Variants in FER observed in about 807,000 individuals in gnomAD.
FER encodes tyrosine-protein kinase Fer.
FER carries 63 observed loss-of-function variants against 111.0 expected under a neutral mutation model. The ratio of observed to expected loss-of-function variants is 0.57; its 90% CI spans 0.46 to 0.70. FER has a LOEUF of 0.70. Ranked by LOEUF, FER falls within the 30% of genes least tolerant of loss-of-function variation. FER has a pLI of 0.00. For missense variants in FER, 914 were observed against 954.0 expected, an observed-to-expected ratio of 0.96 and a Z score of 0.55; for synonymous variants, 327 against 313.9, an observed-to-expected ratio of 1.04 and a Z score of -0.44.
chr5:109,080,728 A>G (rs938066126), intron 16 of FER, among the ~76,000 whole-genome samples: 11 of 152,156 alleles, frequency 7.2e-5, no homozygotes, highest in Admixed American at 5.2e-4. Flanking sequence ...AAGATTGTAC[A>G]TTGTACATAT....
intron 3 of FER, among the ~76,000 whole-genome samples, chr5:108,815,561 A>C (rs1049871151): frequency 2.0e-5 from 3 of 152,140 alleles, no homozygotes; most frequent in African/African-American, 7.2e-5. Context: ...TTCTGTGCTG[A>C]AGATGAATTT....
chr5:109,138,011 A>G (rs1055454894), intron 17 of FER, among the ~76,000 whole-genome samples: 1 of 152,154 alleles, frequency 6.6e-6, no homozygotes, highest in Admixed American at 6.6e-5. Flanking sequence ...TGGTCTTCCC[A>G]GTTTCCTGCA....
chr5:109,146,185 TAC>T (rs1754087440), intron 17 of FER, among the ~76,000 whole-genome samples: 3 of 110,880 alleles, frequency 2.7e-5, no homozygotes, highest in South Asian at 5.9e-4. Flanking sequence ...AGCAAAAAAA[TAC>T]ATATATATAT....
At chr5:108,753,570 TAAATCTC>T (rs1415294610) in intron 1 of FER, among the ~76,000 whole-genome samples, 1 of 152,190 alleles carries the variant, frequency 6.6e-6, no homozygotes, top group Non-Finnish European at 1.5e-5. Context: ...GTTACTGTCT[TAAATCTC>T]TAACTAGTGC....
intron 5 of FER, among the ~76,000 whole-genome samples, chr5:108,858,546 C>T (rs1763212383): frequency 6.6e-6 from 1 of 152,040 alleles, no homozygotes; most frequent in South Asian, 2.1e-4. Context: ...ATTTTCCCCC[C>T]TCCCTCTTAT....
intron 5 of FER, among the ~76,000 whole-genome samples, chr5:108,861,911 C>A (rs1053463355): frequency 1.3e-5 from 2 of 152,208 alleles, no homozygotes; most frequent in Non-Finnish European, 2.9e-5. Context: ...AACATAGAAT[C>A]CCTTTCCAAA....
At chr5:109,100,294 A>C in intron 16 of FER, 102 bp from the exon 17 acceptor site, 1 of 1,375,940 alleles carries the variant, frequency 7.3e-7, no homozygotes, top group Non-Finnish European at 1.0e-6. Flanking sequence ...CCAAATGTGT[A>C]ATGCATTTTG....
At chr5:108,971,040 A>G (rs1760581142) in intron 13 of FER, among the ~76,000 whole-genome samples, 1 of 152,124 alleles carries the variant, frequency 6.6e-6, no homozygotes, top group African/African-American at 2.4e-5. Context: ...AAATATTGAA[A>G]CTATTCCGAT....
chr5:109,085,636 A>G (rs886190046), intron 16 of FER, among the ~76,000 whole-genome samples: 1 of 151,686 alleles, frequency 6.6e-6, no homozygotes, highest in African/African-American at 2.4e-5. Flanking sequence ...CCTGATTCTG[A>G]GAGATAAGTG....
intron 3 of FER, among the ~76,000 whole-genome samples, chr5:108,822,851 G>A (rs113866295): frequency 0.23 from 33,940 of 150,156 alleles, 4,021 homozygotes; most frequent in African/African-American, 0.28. Flanking sequence ...ATACAGTGGC[G>A]CCATCTCGGC....
chr5:109,125,498 A>T (rs1004237958), intron 17 of FER, among the ~76,000 whole-genome samples: 16 of 152,202 alleles, frequency 1.1e-4, no homozygotes, highest in Admixed American at 8.5e-4. Context: ...TCATATTTTT[A>T]AAATAATACA....
intron 17 of FER, among the ~76,000 whole-genome samples, chr5:109,152,519 C>T (rs565132813): frequency 5.3e-5 from 8 of 151,972 alleles, no homozygotes; most frequent in South Asian, 2.1e-4. Flanking sequence ...GTTTAGGACT[C>T]GTGTAGCCCT....
intron 1 of FER, among the ~76,000 whole-genome samples, chr5:108,764,111 G>C (rs542253487): frequency 1.6e-4 from 24 of 152,192 alleles, no homozygotes; most frequent in African/African-American, 4.6e-4. Context: ...TTAGAGTGCT[G>C]GTGATCAATG....
At chr5:108,766,660 G>A (rs1752356485) in intron 1 of FER, among the ~76,000 whole-genome samples, 1 of 152,160 alleles carries the variant, frequency 6.6e-6, no homozygotes, top group Admixed American at 6.5e-5. Flanking sequence ...TGTTTGATCT[G>A]TTTGCTGACC....
intron 2 of FER, among the ~76,000 whole-genome samples, chr5:108,781,796 G>T (rs547523758): frequency 3.3e-5 from 5 of 152,148 alleles, no homozygotes; most frequent in African/African-American, 1.2e-4. Context: ...GTTAGACTCT[G>T]ATAGAACCCC....
Position 109,027,864 on chromosome 5 carries a change from CTAAT to C in FER, c.1657-9555_1657-9552del, listed in dbSNP as rs555021469. On this transcript the variant is annotated intron_variant, in intron 13 of 19. Coordinates refer to ENST00000281092, the MANE Select transcript of FER (RefSeq NM_005246.4). ...AGATTTAGGTTTTAGCATTTTAAAACTAATTAGATTTTATTTTCAGTTATTTTTA... is the reference window on the plus strand; with the variant it reads ...AGATTTAGGTTTTAGCATTTTAAAACTAGATTTTATTTTCAGTTATTTTTA... Among the ~76,000 whole-genome samples, 296 of 152,242 alleles carry C rather than the reference CTAAT, an allele frequency of 1.9e-3. 2 individuals carry two copies. The highest frequency in any genetic ancestry group is 3.4e-3 in the Middle Eastern group (1 of 294).
intron 7 of FER, 67 bp from the exon 8 acceptor site, chr5:108,872,026 G>C: frequency 1.4e-6 from 2 of 1,427,312 alleles, no homozygotes; most frequent in Non-Finnish European, 1.9e-6. Context: ...TCTGCCTTTA[G>C]TGTATATGAA....
chr5:109,140,138 C>CA lies in FER; in HGVS notation c.2048+39625dup, dbSNP rs1340483778. Among the ~76,000 whole-genome samples the CA allele has an allele frequency of 2.1e-4, 32 of 152,096 alleles. 1 individual carries two copies. The highest frequency in any genetic ancestry group is 1.8e-3 in the Admixed American group (27 of 15,260). On this transcript the variant is annotated intron_variant, in intron 17 of 19. Transcript: ENST00000281092. ...AAGCCTTTTTAAAATTCTGTGCACA[C>CA]AAAAAACATATGCTTATTATATTAA...
At chr5:108,800,482 C>T (rs1295593059) in intron 3 of FER, among the ~76,000 whole-genome samples, 1 of 152,056 alleles carries the variant, frequency 6.6e-6, no homozygotes, top group Non-Finnish European at 1.5e-5. Flanking sequence ...TTCTAGGGAG[C>T]TGGGACTATA....
Sources: gnomAD v4.1 joint callset for allele counts (sites outside exome capture counted in the v4.1 genomes callset) on GRCh38, gnomAD v4.1.1 for gene constraint, MANE v1.5 for transcripts, NCBI Gene and HGNC (gene_info 2026-07-23, HGNC 2026-07-21) for gene names.